The following RALYL variants were observed in gnomAD, a reference collection of about 807,000 sequenced individuals.
The protein encoded by RALYL is RNA-binding Raly-like protein.
RALYL carries 29 observed loss-of-function variants against 35.1 expected under a neutral mutation model. The ratio of observed to expected loss-of-function variants is 0.83; its 90% CI spans 0.61 to 1.13. The LOEUF (loss-of-function observed/expected upper bound fraction) is 1.13. Ranked by LOEUF, RALYL falls within the 50% of genes most tolerant of loss-of-function variation. The pLI is 0.00. For missense variants in RALYL, 359 were observed against 360.4 expected, an observed-to-expected ratio of 1.00 and a Z score of 0.03; for synonymous variants, 120 against 127.6, an observed-to-expected ratio of 0.94 and a Z score of 0.40.
chr8:84,855,378 G>A (rs908658613), intron 5 of RALYL, among the ~76,000 whole-genome samples: 1 of 152,176 alleles, frequency 6.6e-6, no homozygotes, highest in Non-Finnish European at 1.5e-5. Flanking sequence ...ATGTGATTGA[G>A]GGTTTCCAAC....
chr8:84,253,136 A>G (rs1563614236), intron 1 of RALYL, among the ~76,000 whole-genome samples: 1 of 148,302 alleles, frequency 6.7e-6, no homozygotes. Context: ...CCTTCTTATA[A>G]ATATGCGTTT....
intron 1 of RALYL, among the ~76,000 whole-genome samples, chr8:84,513,483 A>G (rs1269760833): frequency 6.6e-6 from 1 of 152,136 alleles, no homozygotes; most frequent in Non-Finnish European, 1.5e-5. Flanking sequence ...CAATTGAAAT[A>G]TTAACCTCTG....
chr8:84,753,294 A>G (rs547671328), intron 2 of RALYL, among the ~76,000 whole-genome samples: 2 of 152,316 alleles, frequency 1.3e-5, no homozygotes, highest in African/African-American at 4.8e-5. Flanking sequence ...GTACTTTGAA[A>G]GTATCTAACT....
intron 4 of RALYL, among the ~76,000 whole-genome samples, chr8:84,841,872 G>A (rs1039020765): frequency 1.4e-4 from 21 of 152,170 alleles, no homozygotes; most frequent in Non-Finnish European, 2.5e-4. Flanking sequence ...ATGACTACTG[G>A]GTACATAATG....
intron 1 of RALYL, among the ~76,000 whole-genome samples, chr8:84,502,840 A>G (rs936738289): frequency 1.3e-5 from 2 of 151,884 alleles, no homozygotes; most frequent in African/African-American, 4.8e-5. Context: ...GTATAGACAT[A>G]CTTAATAGTA....
chr8:84,393,253 C>T (rs536123177), intron 1 of RALYL, among the ~76,000 whole-genome samples: 32 of 152,164 alleles, frequency 2.1e-4, no homozygotes, highest in African/African-American at 4.6e-4. Context: ...TCCGCTCCCA[C>T]GCTCACTTAC....
Position 84,452,437 on chromosome 8 carries a change from C to T in RALYL, c.-23-76862C>T, listed in dbSNP as rs141352900. Reference sequence around the variant, plus strand: ...AAAGTCAAAACTTATAGGTGATTACCTCATTGCCAATTATGAAAGTCCAAT... The same window carrying T: ...AAAGTCAAAACTTATAGGTGATTACTTCATTGCCAATTATGAAAGTCCAAT... On this transcript the variant is annotated intron_variant, in intron 1 of 8. Coordinates refer to ENST00000521268, the MANE Select transcript of RALYL (RefSeq NM_173848.7). Among the ~76,000 whole-genome samples, 220 of 151,884 alleles carry T rather than the reference C, an allele frequency of 1.4e-3. 2 individuals carry two copies. The highest frequency in any genetic ancestry group is 4.7e-3 in the African/African-American group (197 of 41,476).
chr8:84,481,396 C>T (rs1275702991), intron 1 of RALYL, among the ~76,000 whole-genome samples: 1 of 152,172 alleles, frequency 6.6e-6, no homozygotes, highest in African/African-American at 2.4e-5. Context: ...ATGGCACCAT[C>T]ATAGCTCACT....
At chr8:84,903,992 G>T (rs1002075078) in intron 8 of RALYL, among the ~76,000 whole-genome samples, 4 of 152,152 alleles carry the variant, frequency 2.6e-5, no homozygotes, top group African/African-American at 9.7e-5. Context: ...AAAAGGAAGT[G>T]AATAAGAAAG....
chr8:84,810,193 CGTTCA>C (rs1825601858), intron 4 of RALYL, among the ~76,000 whole-genome samples: 1 of 152,062 alleles, frequency 6.6e-6, no homozygotes, highest in African/African-American at 2.4e-5. Flanking sequence ...TCATTATTGT[CGTTCA>C]GTTCAAAGAA....
At chr8:84,263,585 A>AT (rs1339574147) in intron 1 of RALYL, among the ~76,000 whole-genome samples, 4 of 152,078 alleles carry the variant, frequency 2.6e-5, no homozygotes, top group Non-Finnish European at 4.4e-5. Flanking sequence ...TTGAAGACGG[A>AT]TTTTTTATTT....
At chr8:84,757,890 T>G (rs1362870658) in intron 2 of RALYL, among the ~76,000 whole-genome samples, 3 of 152,174 alleles carry the variant, frequency 2.0e-5, no homozygotes, top group African/African-American at 7.2e-5. Flanking sequence ...AAAAACCTAT[T>G]AATTAATCTG....
chr8:84,470,852 C>T (rs1249495445), intron 1 of RALYL, among the ~76,000 whole-genome samples: 2 of 152,188 alleles, frequency 1.3e-5, no homozygotes, highest in African/African-American at 4.8e-5. Context: ...CAATGAATTA[C>T]AATCAAACTT....
At chr8:84,262,250 T>C (rs1832450900) in intron 1 of RALYL, among the ~76,000 whole-genome samples, 1 of 152,142 alleles carries the variant, frequency 6.6e-6, no homozygotes, top group African/African-American at 2.4e-5. Flanking sequence ...AGTGGAAAAA[T>C]ATAGTGCACT....
intron 2 of RALYL, among the ~76,000 whole-genome samples, chr8:84,584,522 G>A (rs1431352618): frequency 6.6e-6 from 1 of 151,608 alleles, no homozygotes; most frequent in African/African-American, 2.4e-5. Context: ...AGAATCACTT[G>A]AACCCAGGAG....
intron 1 of RALYL, among the ~76,000 whole-genome samples, chr8:84,390,785 C>T (rs796689191): frequency 2.4e-4 from 36 of 151,968 alleles, no homozygotes; most frequent in Admixed American, 3.9e-4. Flanking sequence ...CCCATGGAAA[C>T]GCAGGCATTC....
At chr8:84,187,994 T>C (rs1812935328) in intron 1 of RALYL, among the ~76,000 whole-genome samples, 1 of 152,100 alleles carries the variant, frequency 6.6e-6, no homozygotes, top group Non-Finnish European at 1.5e-5. Flanking sequence ...GAAGTGGGTA[T>C]GTAAGATTGT....
At chr8:84,200,024 A>C (rs894079254) in intron 1 of RALYL, among the ~76,000 whole-genome samples, 1 of 69,302 alleles carries the variant, frequency 1.4e-5, no homozygotes, top group Non-Finnish European at 3.1e-5. Flanking sequence ...CCCAGTACTT[A>C]TTATGTAATT....
intron 1 of RALYL, among the ~76,000 whole-genome samples, chr8:84,203,957 A>G (rs992618152): frequency 6.6e-6 from 1 of 152,030 alleles, no homozygotes; most frequent in Non-Finnish European, 1.5e-5. Context: ...TTAAGTAAAC[A>G]TTCCTGGAAT....
Sources: gnomAD v4.1 joint callset for allele counts (sites outside exome capture counted in the v4.1 genomes callset) on GRCh38, gnomAD v4.1.1 for gene constraint, MANE v1.5 for transcripts, NCBI Gene and HGNC (gene_info 2026-07-23, HGNC 2026-07-21) for gene names.